DSTYK: variants seen among roughly 807,000 people sequenced by gnomAD.
The protein encoded by DSTYK is RIP-homologous kinase.
DSTYK carries 34 observed loss-of-function variants against 98.7 expected under a neutral mutation model. The observed-to-expected ratio is 0.34, with a 90% CI of 0.26 to 0.46. The LOEUF is 0.46. DSTYK is among the 20% of genes least tolerant of loss of function. The pLI, the probability that DSTYK is intolerant of heterozygous loss-of-function variation, is 1.00. For missense variants in DSTYK, 962 were observed against 1,181.7 expected (o/e 0.81, Z 2.73); for synonymous variants, 462 against 457.3 (o/e 1.01, Z -0.13).
At chr1:205,163,225 T>TA (rs959644803) in intron 4 of DSTYK, among the ~76,000 whole-genome samples, 15 of 151,810 alleles carry the variant, frequency 9.9e-5, no homozygotes, top group Admixed American at 3.9e-4. Flanking sequence ...TTTTATTTTT[T>TA]TTTTTATTTT....
chr1:205,147,807 T>C (rs1657285644), intron 12 of DSTYK, 62 bp from the exon 13 acceptor site: 3 of 1,557,060 alleles, frequency 1.9e-6, no homozygotes, highest in African/African-American at 1.4e-5. Flanking sequence ...CAAAGAGGCA[T>C]GACCAGCTCA....
At chr1:205,202,184 C>A in intron 1 of DSTYK, 1 of 558,724 alleles carries the variant, frequency 1.8e-6, no homozygotes, top group South Asian at 1.4e-5. Flanking sequence ...TGAGGTAATC[C>A]GTGAAAATGG....
intron 11 of DSTYK, 114 bp from the exon 12 acceptor site, chr1:205,148,453 T>C: frequency 1.5e-6 from 2 of 1,318,788 alleles, no homozygotes; most frequent in Non-Finnish European, 2.1e-6. Context: ...ACAACTATTA[T>C]CTCTCAATAA....
chr1:205,151,845 AC>A (rs1657415650), intron 10 of DSTYK, among the ~76,000 whole-genome samples: 1 of 152,082 alleles, frequency 6.6e-6, no homozygotes, highest in Non-Finnish European at 1.5e-5. Context: ...ACAATAATAC[AC>A]ATGGAGCTAT....
At position 205,166,276 on chromosome 1, in the gene DSTYK, TA is replaced by T. The variant is rs1657887404; in HGVS notation, c.1325-2322del. Among the ~76,000 whole-genome samples, 5 of 152,282 alleles carry T rather than the reference TA, an allele frequency of 3.3e-5. No homozygotes were observed. The South Asian group carries it at 1.0e-3, about 32-fold the overall frequency. ...AGTACTATACATATAGGTTTTATCTTAAAAATAAATTTTATAAAGTGTGAAT... is the reference window on the plus strand; with the variant it reads ...AGTACTATACATATAGGTTTTATCTTAAAATAAATTTTATAAAGTGTGAAT... On this transcript the variant is annotated intron_variant, in intron 3 of 12. Coordinates refer to ENST00000367162, the MANE Select transcript of DSTYK (RefSeq NM_015375.3).
Position 205,163,895 on chromosome 1 carries a change from C to G in DSTYK, c.1385G>C (p.Arg462Pro). The G allele has an allele frequency of 6.2e-7, 1 of 1,614,046 alleles. No individual in the cohort carries two copies. Among genetic ancestry groups the G allele is most frequent in the Non-Finnish European group, 8.5e-7 (1 of 1,180,016 alleles). Residue 462 changes from arginine (R) to proline (P), a missense_variant, in exon 4 of 13, where the codon CGA becomes CCA. Physicochemically the swap from Arg to Pro is moderately radical, Grantham distance 103. This residue lies in a region of DSTYK where 660 missense variants were observed against 855.0 expected (regional missense o/e 0.77). Transcript: ENST00000367162. ...GGAGATGATGAGTTCCTGGATCTGT[C>G]GGATGCAGCATTTGATCTCTCTGGT... ...VGTREIKCCI[R>P]QIQELIISRL...
In DSTYK at chr1:205,160,169, C is replaced by A; in HGVS notation, c.2050G>T (p.Val684Phe). ...GHFPCALKSV[V>F]PPDEKHWNDL... ...TTCCAGTGCTTCTCATCTGGAGGGA[C>A]AACTGATTTGAGGGCACAAGGGAAG... Residue 684 changes from valine (V) to phenylalanine (F), a missense_variant, in exon 8 of 13, where the codon GTC (valine) becomes TTC (phenylalanine). Val to Phe is a conservative substitution (Grantham distance 50, BLOSUM62 -1). Around this residue, in one of 4 missense-constraint regions of DSTYK, gnomAD observed 660 missense variants for 855.0 expected, o/e 0.77. Transcript: ENST00000367162. 1 of 1,614,114 alleles carries A rather than the reference C, an allele frequency of 6.2e-7. No homozygotes were observed. Among genetic ancestry groups the A allele is most frequent in the Non-Finnish European group, 8.5e-7 (1 of 1,180,000 alleles).
At chr1:205,149,218 T>A (rs948946480) in intron 11 of DSTYK, among the ~76,000 whole-genome samples, 2 of 152,026 alleles carry the variant, frequency 1.3e-5, no homozygotes, top group East Asian at 3.9e-4. Context: ...TTTTTTTTTT[T>A]AAGTAAATCA....
chr1:205,148,093 C>T lies in DSTYK; in HGVS notation c.2602+112G>A, dbSNP rs537906614. 1.1e-4 allele frequency: 146 copies of T among 1,280,188 alleles called. 2 individuals are homozygous for T. In the South Asian group the frequency reaches 1.7e-3, roughly 15 times the overall value. 79.3% of individuals were successfully genotyped at this position (1,280,188 alleles called of 1,614,324 possible). A position where few individuals can be genotyped will look rare whatever the true frequency, so the allele number is the denominator to read the frequency against. On this transcript the variant is annotated intron_variant, in intron 12 of 12. Transcript: ENST00000367162. ...ATTCATGACAGTTTAAACGTATCTA[C>T]GGCCCTGCTATGGAGTGGCCAGATG...
In DSTYK at chr1:205,143,736, C is replaced by CT. The variant is rs1657139296; in HGVS notation, c.*3821dup. ...GGCACTTCTTCCATGAGGAAGAACA[C>CT]TTTGTGACCCTTCTTTGGCAGCTCA... On this transcript the variant is annotated 3_prime_UTR_variant, in exon 13 of 13. Transcript: ENST00000367162. The CT allele has an allele frequency of 6.6e-6, 1 of 152,600 alleles. No homozygotes were observed. The highest frequency in any genetic ancestry group is 1.5e-5 in the Non-Finnish European group (1 of 68,042). 9.5% of individuals were successfully genotyped at this position (152,600 alleles called of 1,614,324 possible). A position where few individuals can be genotyped will look rare whatever the true frequency, so the allele number is the denominator to read the frequency against.
At chr1:205,206,437 G>A (rs1271873507) in intron 1 of DSTYK, among the ~76,000 whole-genome samples, 1 of 148,002 alleles carries the variant, frequency 6.8e-6, no homozygotes, top group African/African-American at 2.5e-5. Context: ...GCACCACCAT[G>A]CCCGGCTAAT....
intron 10 of DSTYK, among the ~76,000 whole-genome samples, chr1:205,155,262 G>C (rs1657523839): frequency 6.6e-6 from 1 of 151,966 alleles, no homozygotes; most frequent in South Asian, 2.1e-4. Flanking sequence ...GGGATTACAG[G>C]TGTGAGCCAC....
intron 2 of DSTYK, among the ~76,000 whole-genome samples, chr1:205,171,945 T>C (rs768874707): frequency 1.3e-4 from 18 of 135,984 alleles, no homozygotes; most frequent in Non-Finnish European, 2.7e-4. Flanking sequence ...TTACCCTATC[T>C]GAGCAGCAGG....
chr1:205,181,656 TTGTGTGTGTGTGTGTGTG>T lies in DSTYK; in HGVS notation c.654+5744_654+5761del, dbSNP rs35775611. On this transcript the variant is annotated intron_variant, in intron 2 of 12. Coordinates refer to ENST00000367162, the MANE Select transcript of DSTYK (RefSeq NM_015375.3). ...AGATGTGAGCCACAGATGTTGGGGTTTGTGTGTGTGTGTGTGTGTGTGTGTGTGTGTGTGTGTGTGTGG... is the reference window on the plus strand; with the variant it reads ...AGATGTGAGCCACAGATGTTGGGGTTTGTGTGTGTGTGTGTGTGTGTGTGG... Among the ~76,000 whole-genome samples the T allele has an allele frequency of 3.5e-5, 5 of 142,644 alleles. No homozygotes were observed. In the East Asian group the frequency reaches 8.3e-4, roughly 24 times the overall value. The allele number at this position is 142,644 out of a possible 152,430, so 93.6% of individuals were successfully genotyped here.
At chr1:205,172,688 C>A (rs1658101542) in intron 2 of DSTYK, among the ~76,000 whole-genome samples, 1 of 152,140 alleles carries the variant, frequency 6.6e-6, no homozygotes, top group African/African-American at 2.4e-5. Context: ...AAGAACTATG[C>A]TATATTCTCA....
chr1:205,183,101 C>CAG (rs1558617409), intron 2 of DSTYK, among the ~76,000 whole-genome samples: 2 of 148,642 alleles, frequency 1.3e-5, no homozygotes, highest in East Asian at 2.0e-4. Flanking sequence ...CACACACACA[C>CAG]AGAGATATAT....
At chr1:205,205,496 A>C (rs1223575172) in intron 1 of DSTYK, among the ~76,000 whole-genome samples, 3 of 151,916 alleles carry the variant, frequency 2.0e-5, no homozygotes, top group African/African-American at 7.3e-5. Flanking sequence ...CCCAAGCTGG[A>C]GTGCACTGGC....
intron 10 of DSTYK, among the ~76,000 whole-genome samples, chr1:205,154,063 G>A (rs1239967839): frequency 1.1e-4 from 16 of 145,708 alleles, no homozygotes; most frequent in Admixed American, 1.0e-3. Context: ...ACACGTGTGT[G>A]TGTGTGTGTG....
intron 3 of DSTYK, among the ~76,000 whole-genome samples, chr1:205,166,755 T>C (rs11591088): frequency 2.6e-5 from 4 of 152,204 alleles, no homozygotes; most frequent in African/African-American, 9.6e-5. Context: ...CAAAGAGGTA[T>C]CTCTGTTCAT....
Sources: gnomAD v4.1 joint callset for allele counts (sites outside exome capture counted in the v4.1 genomes callset) on GRCh38, gnomAD v4.1.1 for gene constraint, gnomAD v4.1.1 regional missense constraint, MANE v1.5 for transcripts, NCBI Gene and HGNC (gene_info 2026-07-23, HGNC 2026-07-21) for gene names.